Variants in SLC18B1 observed in about 807,000 individuals in gnomAD.
SLC18B1 encodes solute carrier family 18 member B1.
SLC18B1 carries 62 observed loss-of-function variants against 53.9 expected under a neutral mutation model. The ratio of observed to expected loss-of-function variants is 1.15; its 90% CI spans 0.94 to 1.42. The LOEUF is 1.42. SLC18B1 is among the 40% of genes most tolerant of loss of function. The pLI is 0.00. For missense variants in SLC18B1, 598 were observed against 547.3 expected, an observed-to-expected ratio of 1.09 and a Z score of -0.93; for synonymous variants, 217 against 200.9, an observed-to-expected ratio of 1.08 and a Z score of -0.68.
At position 132,774,217 on chromosome 6, in the gene SLC18B1, A is replaced by G. The variant is rs868399913; in HGVS notation, c.989+5T>C. The G allele has an allele frequency of 6.3e-7, 1 of 1,584,542 alleles. No individual in the cohort carries two copies. Among genetic ancestry groups the G allele is most frequent in the East Asian group, 2.2e-5 (1 of 44,496 alleles). On this transcript the variant is annotated splice_donor_5th_base_variant and intron_variant, in intron 9 of 13. Coordinates refer to ENST00000275227, the MANE Select transcript of SLC18B1 (RefSeq NM_052831.3). ...GCCAAACATACAGAAGAAGAAAAAA[A>G]TTACCTTTTAATATGCAAGATTGGG...
chr6:132,793,816 C>T (rs1162510118), intron 2 of SLC18B1, among the ~76,000 whole-genome samples: 1 of 152,182 alleles, frequency 6.6e-6, no homozygotes, highest in African/African-American at 2.4e-5. Context: ...AACTGAAATA[C>T]TCAGCCTATA....
In SLC18B1 at chr6:132,787,537, C is replaced by A; in HGVS notation, c.398G>T (p.Cys133Phe). ...TGCATCCATTACTCTCACTAGAAAA[C>A]ACATAGCAATAAATACTGGCCCATC... Reference protein sequence around the residue: ...VPDGPVFIAMCFLVRVMDAVS... With the variant: ...VPDGPVFIAMFFLVRVMDAVS... Residue 133 changes from cysteine to phenylalanine, a missense_variant, in exon 5 of 14, where the codon TGT (cysteine) becomes TTT (phenylalanine). Physicochemically the swap from Cys to Phe is radical, Grantham distance 205. Transcript: ENST00000275227. 6.2e-7 allele frequency: 1 copy of A among 1,610,310 alleles called. No homozygotes were observed. Among genetic ancestry groups the A allele is most frequent in the Non-Finnish European group, 8.5e-7 (1 of 1,178,520 alleles).
chr6:132,792,994 G>T (rs1371858749), intron 2 of SLC18B1, among the ~76,000 whole-genome samples: 2 of 152,146 alleles, frequency 1.3e-5, no homozygotes, highest in Non-Finnish European at 2.9e-5. Context: ...GGTGATGCGC[G>T]CCTGTAATCC....
chr6:132,791,210 A>ATG (rs1164848022), intron 2 of SLC18B1, among the ~76,000 whole-genome samples: 1 of 152,216 alleles, frequency 6.6e-6, no homozygotes, highest in Non-Finnish European at 1.5e-5. Flanking sequence ...TCTTATATAT[A>ATG]TGAGGCATTG....
At chr6:132,772,968 T>C in intron 10 of SLC18B1, 25 bp downstream of exon 10, 1 of 1,522,114 alleles carries the variant, frequency 6.6e-7, no homozygotes, top group Non-Finnish European at 9.1e-7. Context: ...ACAATACAGC[T>C]CTTCAAGCAA....
chr6:132,784,607 C>G (rs1781323570), intron 5 of SLC18B1, among the ~76,000 whole-genome samples: 1 of 152,168 alleles, frequency 6.6e-6, no homozygotes, highest in Admixed American at 6.5e-5. Context: ...TTTCACCTAT[C>G]TCTATCGAAC....
chr6:132,774,636 C>T (rs895077417), intron 8 of SLC18B1, among the ~76,000 whole-genome samples: 35 of 152,128 alleles, frequency 2.3e-4, no homozygotes, highest in African/African-American at 7.5e-4. Flanking sequence ...CGGCCAGGCA[C>T]GGCGGCTCAC....
intron 5 of SLC18B1, 74 bp downstream of exon 5, chr6:132,787,360 C>T: frequency 2.2e-6 from 3 of 1,394,538 alleles, no homozygotes; most frequent in Non-Finnish European, 2.9e-6. Flanking sequence ...GAATGGACCC[C>T]AGCTTTAACT....
chr6:132,797,220 T>C, intron 1 of SLC18B1, 99 bp from the exon 2 acceptor site: 1 of 1,452,486 alleles, frequency 6.9e-7, no homozygotes, highest in East Asian at 2.3e-5. Flanking sequence ...TCTGAAGATA[T>C]CATTTGCTAA....
chr6:132,771,238 A>T, intron 11 of SLC18B1, 109 bp from the exon 12 acceptor site: 1 of 953,996 alleles, frequency 1.0e-6, no homozygotes. Context: ...TTGGAAGATA[A>T]GTACTAAAGA....
chr6:132,798,562 T>A lies in SLC18B1; in HGVS notation c.-106A>T. ...CTCTGGCGGGCGGCCGCTGCTCAGCTGGAACCTGGCATCCCCGACTCCCTG... is the reference window on the plus strand; with the variant it reads ...CTCTGGCGGGCGGCCGCTGCTCAGCAGGAACCTGGCATCCCCGACTCCCTG... On this transcript the variant is annotated 5_prime_UTR_variant, in exon 1 of 14. Transcript: ENST00000275227. 8.4e-7 allele frequency: 1 copy of A among 1,193,802 alleles called. No homozygotes were observed. The highest frequency in any genetic ancestry group is 1.1e-6 in the Non-Finnish European group (1 of 910,758). The allele number at this position is 1,193,802 out of a possible 1,614,324, so 74.0% of individuals were successfully genotyped here.
At chr6:132,786,142 A>G (rs573946249) in intron 5 of SLC18B1, among the ~76,000 whole-genome samples, 1 of 152,266 alleles carries the variant, frequency 6.6e-6, no homozygotes, top group South Asian at 2.1e-4. Flanking sequence ...TGTTCTTCTG[A>G]GCCCTTTCTG....
chr6:132,780,565 G>GTTTTT (rs10537572), intron 6 of SLC18B1, among the ~76,000 whole-genome samples: 5 of 75,896 alleles, frequency 6.6e-5, no homozygotes, highest in Admixed American at 1.8e-4. Context: ...CGTGGTGTTA[G>GTTTTT]TTTTTTTTTT....
At chr6:132,786,853 AC>A (rs1235561036) in intron 5 of SLC18B1, among the ~76,000 whole-genome samples, 2 of 152,162 alleles carry the variant, frequency 1.3e-5, no homozygotes, top group African/African-American at 4.8e-5. Flanking sequence ...TGTCACTAAT[AC>A]CAGGTCTATA....
rs1382264805 is a variant in SLC18B1, at chr6:132,769,489, G to C, written c.*781C>G. The C allele has an allele frequency of 6.7e-6, 1 of 149,026 alleles. No individual in the cohort carries two copies. Among genetic ancestry groups the C allele is most frequent in the Non-Finnish European group, 1.5e-5 (1 of 67,902 alleles). The allele number at this position is 149,026 out of a possible 1,614,324, so 9.2% of individuals were successfully genotyped here. On this transcript the variant is annotated 3_prime_UTR_variant, in exon 14 of 14. Transcript: ENST00000275227. Reference sequence around the variant, plus strand: ...AGGGGAAGGAGGCTGACCTGCTCTAGGGATGAAATACATCTACCAAGATAT... The same window carrying C: ...AGGGGAAGGAGGCTGACCTGCTCTACGGATGAAATACATCTACCAAGATAT...
chr6:132,773,210 A>T (rs551455056), intron 9 of SLC18B1, 122 bp from the exon 10 acceptor site: 3 of 492,678 alleles, frequency 6.1e-6, no homozygotes, highest in South Asian at 5.9e-5. Flanking sequence ...TTATGTGCCT[A>T]GTCTCATTCC....
At chr6:132,793,440 G>A (rs1032209192) in intron 2 of SLC18B1, among the ~76,000 whole-genome samples, 5 of 152,076 alleles carry the variant, frequency 3.3e-5, no homozygotes, top group Non-Finnish European at 5.9e-5. Flanking sequence ...TTCCCTCTGC[G>A]AGGCGAGACA....
chr6:132,774,226 T>G lies in SLC18B1; in HGVS notation c.985A>C (p.Lys329Gln), dbSNP rs775539078. ...ACAGAAGAAGAAAAAAATTACCTTTTAATATGCAAGATTGGGACAGGCCCT... is the reference window on the plus strand; with the variant it reads ...ACAGAAGAAGAAAAAAATTACCTTTGAATATGCAAGATTGGGACAGGCCCT... ...LLGPVPILHI[K>Q]SQLWLLVLIL... Residue 329 changes from lysine (K) to glutamine (Q), a missense_variant, in exon 9 of 14, where the codon AAA (lysine) becomes CAA (glutamine). Lys to Gln is a moderately conservative substitution (Grantham distance 53). Transcript: ENST00000275227. 6.3e-7 allele frequency: 1 copy of G among 1,591,872 alleles called. No homozygotes were observed. The highest frequency in any genetic ancestry group is 1.2e-5 in the South Asian group (1 of 85,310).
intron 6 of SLC18B1, among the ~76,000 whole-genome samples, chr6:132,780,522 A>G (rs943475285): frequency 5.8e-5 from 8 of 138,816 alleles, no homozygotes; most frequent in African/African-American, 2.1e-4. Flanking sequence ...TTATCCTTAG[A>G]TTTTTTCAGG....
Sources: allele counts gnomAD v4.1 joint callset (sites outside exome capture counted in the v4.1 genomes callset), GRCh38; gene constraint gnomAD v4.1.1; transcripts MANE v1.5; gene names NCBI Gene and HGNC (gene_info 2026-07-23, HGNC 2026-07-21).